Variants in LYPLAL1 observed in about 807,000 individuals in gnomAD.
The protein encoded by LYPLAL1 is lysophospholipase-like protein 1.
In LYPLAL1, 23 loss-of-function variants were observed where a neutral mutation model predicts 19.7. That is an observed-to-expected ratio of 1.17 (90% CI 0.84 to 1.65). The LOEUF (loss-of-function observed/expected upper bound fraction) is 1.65. Ranked by LOEUF, LYPLAL1 falls within the 40% of genes most tolerant of loss-of-function variation. LYPLAL1 has a pLI of 0.00. For missense variants in LYPLAL1, 355 were observed against 279.4 expected, an observed-to-expected ratio of 1.27 and a Z score of -1.93; for synonymous variants, 119 against 96.3, an observed-to-expected ratio of 1.24 and a Z score of -1.38.
At chr1:219,432,117 A>G in the LYPLAL1 span, among the ~76,000 whole-genome samples, 1 of 152,200 alleles carries the variant, frequency 6.6e-6, no homozygotes, top group African/African-American at 2.4e-5. Context: ...GGGGCTAACT[A>G]TATTAGTATT....
the LYPLAL1 span, among the ~76,000 whole-genome samples, chr1:219,394,564 A>G: frequency 1.3e-5 from 2 of 152,198 alleles, no homozygotes. Flanking sequence ...GGTACCACAT[A>G]CATGTGACAT....
At chr1:219,197,572 A>G (rs1397297861) in intron 3 of LYPLAL1, among the ~76,000 whole-genome samples, 1 of 152,166 alleles carries the variant, frequency 6.6e-6, no homozygotes, top group Admixed American at 6.6e-5. Context: ...ACATGGGCAA[A>G]GATTTTATGA....
the LYPLAL1 span, among the ~76,000 whole-genome samples, chr1:219,357,053 C>A: frequency 6.6e-6 from 1 of 152,128 alleles, no homozygotes. Context: ...TTTTAATTTT[C>A]ACTTGAATGT....
chr1:219,348,232 G>A, the LYPLAL1 span, among the ~76,000 whole-genome samples: 13 of 152,322 alleles, frequency 8.5e-5, no homozygotes, highest in East Asian at 1.9e-4. Flanking sequence ...TGCCAGCCAC[G>A]CCCTCTGGGC....
the LYPLAL1 span, among the ~76,000 whole-genome samples, chr1:219,259,127 G>A: frequency 6.6e-6 from 1 of 151,934 alleles, no homozygotes; most frequent in Non-Finnish European, 1.5e-5. Flanking sequence ...GTGTTGGTGT[G>A]GATGTGGTGA....
At chr1:219,421,339 T>G in the LYPLAL1 span, among the ~76,000 whole-genome samples, 1 of 152,192 alleles carries the variant, frequency 6.6e-6, no homozygotes, top group African/African-American at 2.4e-5. Context: ...GACTTCACTA[T>G]AGGAAAACCA....
intron 2 of LYPLAL1, among the ~76,000 whole-genome samples, chr1:219,183,617 C>T (rs1656473983): frequency 6.6e-6 from 1 of 151,930 alleles, no homozygotes; most frequent in African/African-American, 2.4e-5. Context: ...TTATTGTTTG[C>T]ATATCTATTA....
chr1:219,395,192 A>G, the LYPLAL1 span, among the ~76,000 whole-genome samples: 1 of 152,226 alleles, frequency 6.6e-6, no homozygotes, highest in Non-Finnish European at 1.5e-5. Context: ...TCTTTGAGAA[A>G]TCGCCAAATT....
At chr1:219,229,597 G>A in the LYPLAL1 span, among the ~76,000 whole-genome samples, 2 of 152,190 alleles carry the variant, frequency 1.3e-5, no homozygotes, top group Non-Finnish European at 2.9e-5. Flanking sequence ...CAATTGAGCT[G>A]GTTAACACAG....
At chr1:219,434,897 A>T in the LYPLAL1 span, among the ~76,000 whole-genome samples, 1 of 152,122 alleles carries the variant, frequency 6.6e-6, no homozygotes, top group Non-Finnish European at 1.5e-5. Flanking sequence ...TGGAAAAAAA[A>T]AAATAAAGCA....
At chr1:219,306,813 T>G in the LYPLAL1 span, among the ~76,000 whole-genome samples, 2 of 74,400 alleles carry the variant, frequency 2.7e-5, no homozygotes, top group Non-Finnish European at 5.1e-5. Flanking sequence ...TAGATAGATA[T>G]AGATAGATAG....
the LYPLAL1 span, among the ~76,000 whole-genome samples, chr1:219,248,316 T>G: frequency 6.6e-6 from 1 of 152,178 alleles, no homozygotes; most frequent in East Asian, 1.9e-4. Flanking sequence ...TACAGACTTA[T>G]GCAAGAGGAT....
the LYPLAL1 span, among the ~76,000 whole-genome samples, chr1:219,305,738 A>G: frequency 1.3e-5 from 2 of 152,214 alleles, no homozygotes; most frequent in Non-Finnish European, 2.9e-5. Flanking sequence ...AGGTGCTGTG[A>G]GAATATGAAA....
intron 1 of LYPLAL1, among the ~76,000 whole-genome samples, chr1:219,178,322 T>C (rs549316729): frequency 6.6e-5 from 10 of 152,314 alleles, no homozygotes; most frequent in Non-Finnish European, 4.4e-5. Context: ...TTTCACAATA[T>C]GCTACACACT....
chr1:219,347,291 C>T, the LYPLAL1 span, among the ~76,000 whole-genome samples: 1 of 98,108 alleles, frequency 1.0e-5, no homozygotes, highest in Non-Finnish European at 2.0e-5. Context: ...TTAGCTAGGT[C>T]TGGCTTTTGG....
chr1:219,251,787 T>C, the LYPLAL1 span, among the ~76,000 whole-genome samples: 1 of 152,142 alleles, frequency 6.6e-6, no homozygotes, highest in African/African-American at 2.4e-5. Context: ...ATATGAATAT[T>C]AAAATAGCTT....
chr1:219,298,949 A>G, the LYPLAL1 span, among the ~76,000 whole-genome samples: 5 of 152,338 alleles, frequency 3.3e-5, no homozygotes, highest in South Asian at 6.2e-4. Flanking sequence ...ATGACCTCCA[A>G]TGAAAAAATA....
At chr1:219,310,700 T>C in the LYPLAL1 span, among the ~76,000 whole-genome samples, 1 of 152,176 alleles carries the variant, frequency 6.6e-6, no homozygotes, top group Non-Finnish European at 1.5e-5. Flanking sequence ...TGAAATAAAA[T>C]TTGTCTTCAT....
chr1:219,261,783 T>C, the LYPLAL1 span, among the ~76,000 whole-genome samples: 2 of 152,298 alleles, frequency 1.3e-5, no homozygotes, highest in African/African-American at 4.8e-5. Context: ...TACCTTTGCC[T>C]CACTTCATCT....
Sources: gnomAD v4.1 joint callset for allele counts (sites outside exome capture counted in the v4.1 genomes callset) on GRCh38, gnomAD v4.1.1 for gene constraint, MANE v1.5 for transcripts, NCBI Gene and HGNC (gene_info 2026-07-23, HGNC 2026-07-21) for gene names.